The following SLC44A5 variants were observed in gnomAD, a reference collection of about 807,000 sequenced individuals.
SLC44A5 encodes the protein choline transporter-like protein 5.
SLC44A5 carries 57 observed loss-of-function variants against 101.8 expected under a neutral mutation model. The ratio of observed to expected loss-of-function variants is 0.56; its 90% confidence interval spans 0.45 to 0.70. SLC44A5 has a LOEUF of 0.70. SLC44A5 is among the 30% of genes least tolerant of loss of function. SLC44A5 has a pLI of 0.00. For synonymous variants in SLC44A5, 281 were observed against 290.9 expected (o/e 0.97, Z 0.35); for missense variants, 737 against 853.1 (o/e 0.86, Z 1.70).
intron 16 of SLC44A5, 132 bp from the exon 17 acceptor site, chr1:75,218,884 A>G (rs1175266602): frequency 2.6e-6 from 2 of 765,884 alleles, no homozygotes; most frequent in African/African-American, 1.8e-5. Flanking sequence ...TTACTCCTCT[A>G]TTTTCTGTTA....
At chr1:75,252,852 C>A (rs1326440363) in intron 6 of SLC44A5, among the ~76,000 whole-genome samples, 1 of 152,140 alleles carries the variant, frequency 6.6e-6, no homozygotes, top group African/African-American at 2.4e-5. Flanking sequence ...CCTGGTGGTA[C>A]CTCACCTGAC....
At chr1:75,372,575 A>G (rs1660301653) in intron 3 of SLC44A5, among the ~76,000 whole-genome samples, 1 of 152,190 alleles carries the variant, frequency 6.6e-6, no homozygotes, top group Non-Finnish European at 1.5e-5. Context: ...TAGTTGAACA[A>G]TGGTCAAAAT....
intron 2 of SLC44A5, among the ~76,000 whole-genome samples, chr1:75,493,052 T>C (rs1668503674): frequency 6.6e-6 from 1 of 152,036 alleles, no homozygotes; most frequent in African/African-American, 2.4e-5. Flanking sequence ...ATGTGAAGAG[T>C]CCTGAATGCA....
At chr1:75,617,983 A>C in the SLC44A5 span, among the ~76,000 whole-genome samples, 1 of 152,194 alleles carries the variant, frequency 6.6e-6, no homozygotes, top group African/African-American at 2.4e-5. Context: ...CCTGTCTTCT[A>C]GGTTTTACAG....
Position 75,251,335 on chromosome 1 carries a change from A to T in SLC44A5, c.261-41T>A, listed in dbSNP as rs981069675. On this transcript the variant is annotated intron_variant, in intron 6 of 23. Coordinates refer to ENST00000370859, the MANE Select transcript of SLC44A5 (RefSeq NM_001130058.2). ...ACATAATCTTTTTAGTGACCATGGA[A>T]ATGTTCCATATCATTTCAGACCCTG... The T allele has an allele frequency of 8.0e-6, 12 of 1,508,194 alleles. No homozygotes were observed. In the Admixed American group the frequency reaches 8.7e-5, roughly 11 times the overall value. The allele number at this position is 1,508,194 out of a possible 1,614,324, so 93.4% of individuals were successfully genotyped here. A position where few individuals can be genotyped will look rare whatever the true frequency, so the allele number is the denominator to read the frequency against.
chr1:75,372,235 A>AGCT (rs1438395910), intron 3 of SLC44A5, among the ~76,000 whole-genome samples: 2 of 151,004 alleles, frequency 1.3e-5, no homozygotes, highest in Non-Finnish European at 3.0e-5. Context: ...GTAAGGAAAG[A>AGCT]GCTTTTTCCC....
chr1:75,687,894 G>A, the SLC44A5 span, among the ~76,000 whole-genome samples: 2 of 152,154 alleles, frequency 1.3e-5, no homozygotes, highest in African/African-American at 4.8e-5. Context: ...ATCCAGCCAA[G>A]AGACTTGTCA....
chr1:75,408,586 T>C (rs1042257938), intron 2 of SLC44A5, among the ~76,000 whole-genome samples: 4 of 152,124 alleles, frequency 2.6e-5, no homozygotes, highest in Non-Finnish European at 4.4e-5. Flanking sequence ...GAAACCATCA[T>C]TCTCAGCAAA....
chr1:75,409,510 G>C (rs1158923007), intron 2 of SLC44A5, among the ~76,000 whole-genome samples: 3 of 152,050 alleles, frequency 2.0e-5, no homozygotes, highest in African/African-American at 4.8e-5. Flanking sequence ...TGTTCAAAAA[G>C]AGAGAAAGGC....
At chr1:75,687,051 T>C in the SLC44A5 span, among the ~76,000 whole-genome samples, 2 of 152,138 alleles carry the variant, frequency 1.3e-5, no homozygotes, top group East Asian at 3.9e-4. Context: ...TTTGCATAAC[T>C]AGCAAAAGGA....
At chr1:75,363,963 TCCC>T (rs1365458317) in intron 3 of SLC44A5, among the ~76,000 whole-genome samples, 1 of 152,114 alleles carries the variant, frequency 6.6e-6, no homozygotes, top group Non-Finnish European at 1.5e-5. Flanking sequence ...GGCAGTTATT[TCCC>T]CCCAGTACTT....
At chr1:75,330,104 T>C (rs959492133) in intron 4 of SLC44A5, among the ~76,000 whole-genome samples, 13 of 144,242 alleles carry the variant, frequency 9.0e-5, no homozygotes, top group South Asian at 8.7e-4. Context: ...AATATATATA[T>C]ATACACACAC....
chr1:75,324,598 G>A (rs1294341695), intron 4 of SLC44A5, among the ~76,000 whole-genome samples: 2 of 152,182 alleles, frequency 1.3e-5, no homozygotes, highest in African/African-American at 4.8e-5. Flanking sequence ...ACATCATGAG[G>A]TAGGTTCAAG....
intron 3 of SLC44A5, among the ~76,000 whole-genome samples, chr1:75,389,907 C>G (rs1661667037): frequency 1.3e-5 from 2 of 151,780 alleles, no homozygotes; most frequent in African/African-American, 4.8e-5. Context: ...ACAAATAACG[C>G]CAATAGACTA....
At chr1:75,227,378 C>CATAA (rs150014694) in intron 13 of SLC44A5, among the ~76,000 whole-genome samples, 4,708 of 151,890 alleles carry the variant, frequency 0.031, 215 homozygotes, top group African/African-American at 0.093. Context: ...AAATTAAATA[C>CATAA]ATAAATAAAT....
intron 3 of SLC44A5, among the ~76,000 whole-genome samples, chr1:75,388,971 T>C (rs1039867537): frequency 3.3e-5 from 5 of 152,028 alleles, no homozygotes; most frequent in Non-Finnish European, 7.4e-5. Flanking sequence ...CTGAATGACT[T>C]TTGGGATAGA....
At chr1:75,230,572 A>C (rs2100553255) in intron 12 of SLC44A5, among the ~76,000 whole-genome samples, 1 of 151,638 alleles carries the variant, frequency 6.6e-6, no homozygotes, top group African/African-American at 2.4e-5. Context: ...TAATTCTTTA[A>C]ACCTTTCATG....
At chr1:75,631,342 G>A in the SLC44A5 span, among the ~76,000 whole-genome samples, 6 of 151,912 alleles carry the variant, frequency 3.9e-5, no homozygotes, top group East Asian at 1.2e-3. Flanking sequence ...ATTACTGCTA[G>A]GGTATCTGTG....
At chr1:75,624,089 T>C in the SLC44A5 span, among the ~76,000 whole-genome samples, 4 of 152,042 alleles carry the variant, frequency 2.6e-5, no homozygotes, top group Non-Finnish European at 5.9e-5. Flanking sequence ...TCAGACTAAT[T>C]AGATCATGTT....
Sources: allele counts gnomAD v4.1 joint callset (sites outside exome capture counted in the v4.1 genomes callset), GRCh38; gene constraint gnomAD v4.1.1; transcripts MANE v1.5; gene names NCBI Gene and HGNC (gene_info 2026-07-23, HGNC 2026-07-21).